Variants in DGKZ observed in about 807,000 individuals in gnomAD.
DGKZ encodes DAG kinase zeta.
A neutral mutation model predicts 142.5 loss-of-function variants in DGKZ; 45 were observed. The observed-to-expected ratio is 0.32, with a 90% CI of 0.25 to 0.40. The LOEUF is 0.40. Ranked by LOEUF, DGKZ falls within the 10% of genes least tolerant of loss-of-function variation. The probability of loss-of-function intolerance (pLI) is 1.00; values close to 1 mark genes in which losing one functional copy is unlikely to be tolerated. For missense variants in DGKZ, 755 were observed against 1,306.5 expected (o/e 0.58, Z 6.51); for synonymous variants, 442 against 527.0 (o/e 0.84, Z 2.21).
chr11:46,359,306 A>G (rs921908715), intron 1 of DGKZ, among the ~76,000 whole-genome samples: 7 of 151,738 alleles, frequency 4.6e-5, no homozygotes, highest in African/African-American at 1.7e-4. Flanking sequence ...TTAGCTGGGC[A>G]TGGTGGCCCA....
At position 46,334,592 on chromosome 11, in the gene DGKZ, A is replaced by G. The variant is rs186521627; in HGVS notation, c.212+1105A>G. On this transcript the variant is annotated intron_variant, in intron 1 of 30. Coordinates refer to the DGKZ transcript ENST00000343674. ...CATCACTTGGGGGAGGAAGGGACAG[A>G]AGGGGAGGGGATTTTCCAAGAAGCA... 2.4e-4 allele frequency among the ~76,000 whole-genome samples: 37 copies of G among 152,268 alleles called. No individual in the cohort carries two copies. In the East Asian group the frequency reaches 6.0e-3, roughly 25 times the overall value.
At chr11:46,352,543 CG>C (rs1941533331) in intron 1 of DGKZ, among the ~76,000 whole-genome samples, 2 of 152,190 alleles carry the variant, frequency 1.3e-5, no homozygotes, top group Admixed American at 1.3e-4. Flanking sequence ...GCCAAGTTCT[CG>C]CAGCTAGCCG....
chr11:46,346,062 C>T (rs1940580736), upstream of DGKZ, among the ~76,000 whole-genome samples: 1 of 152,186 alleles, frequency 6.6e-6, no homozygotes, highest in East Asian at 1.9e-4. Context: ...CAGCTGCTGG[C>T]TGGAGGGCTG....
chr11:46,353,678 G>C (rs966717237), intron 1 of DGKZ, among the ~76,000 whole-genome samples: 17 of 152,146 alleles, frequency 1.1e-4, no homozygotes, highest in African/African-American at 3.6e-4. Context: ...TCTGGGGCAG[G>C]GAAGATCGCT....
chr11:46,365,042 A>C, intron 1 of DGKZ: 2 of 985,396 alleles, frequency 2.0e-6, no homozygotes, highest in Non-Finnish European at 2.4e-6. Flanking sequence ...CCCCACTGTT[A>C]GGAGAGGTAG....
chr11:46,379,149 G>A, intron 28 of DGKZ, 38 bp downstream of exon 28: 3 of 1,611,788 alleles, frequency 1.9e-6, no homozygotes, highest in South Asian at 2.2e-5. Flanking sequence ...TGGGGCCAAG[G>A]TGGGAGGAGG....
At chr11:46,357,802 T>G (rs1407154986) in intron 1 of DGKZ, among the ~76,000 whole-genome samples, 1 of 152,204 alleles carries the variant, frequency 6.6e-6, no homozygotes, top group South Asian at 2.1e-4. Flanking sequence ...GGTGTTCCGT[T>G]GGCTGTGAGC....
Position 46,369,557 on chromosome 11 carries a change from G to T in DGKZ, c.501+7G>T, listed in dbSNP as rs1374942614. 3.1e-5 allele frequency: 50 copies of T among 1,612,298 alleles called. No homozygotes were observed. The highest frequency in any genetic ancestry group is 4.2e-5 in the Non-Finnish European group (49 of 1,179,928). On this transcript the variant is annotated splice_region_variant and intron_variant, in intron 5 of 30. Transcript: ENST00000527911. ...CTCCAGGAATGTCCGCGAGGTAAGT[G>T]CCCAGGGTGGTCAGGGATGGGGCCA...
At chr11:46,366,960 C>T (rs1273688289) in intron 1 of DGKZ, 1 of 1,536,338 alleles carries the variant, frequency 6.5e-7, no homozygotes, top group South Asian at 1.2e-5. Flanking sequence ...GCGGCCGGAC[C>T]CCAGGCCTGG....
At chr11:46,379,413 CA>C (rs1565091653) in intron 29 of DGKZ, 55 bp from the exon 30 acceptor site, 1 of 1,589,110 alleles carries the variant, frequency 6.3e-7, no homozygotes, top group African/African-American at 1.3e-5. Flanking sequence ...CCTTGGGAGA[CA>C]GATGGGTGGA....
At chr11:46,335,239 G>C (rs570677244) in intron 1 of DGKZ, among the ~76,000 whole-genome samples, 13 of 152,010 alleles carry the variant, frequency 8.6e-5, no homozygotes, top group Middle Eastern at 3.4e-3. Flanking sequence ...ACTTGAACCT[G>C]GGAGGCAGAG....
chr11:46,346,391 C>G (rs1237275958), upstream of DGKZ, among the ~76,000 whole-genome samples: 5 of 109,292 alleles, frequency 4.6e-5, no homozygotes, highest in South Asian at 1.4e-3. Context: ...GGCCTCCCTT[C>G]GTCAGCCCTG....
At chr11:46,355,148 G>A (rs760154003) in intron 1 of DGKZ, among the ~76,000 whole-genome samples, 4 of 151,788 alleles carry the variant, frequency 2.6e-5, no homozygotes, top group African/African-American at 7.3e-5. Context: ...TCTCACTCTC[G>A]CCCAGGCTAG....
intron 1 of DGKZ, chr11:46,338,846 G>T (rs895046017): frequency 1.3e-5 from 2 of 152,246 alleles, no homozygotes; most frequent in Admixed American, 1.3e-4. Context: ...TGGCTGGGAA[G>T]ATTCAAGAAG....
upstream of DGKZ, among the ~76,000 whole-genome samples, chr11:46,346,682 G>A (rs1052017342): frequency 1.3e-5 from 2 of 152,200 alleles, no homozygotes; most frequent in African/African-American, 2.4e-5. Context: ...TTGTGAATGG[G>A]AGTGTGGTAC....
intron 1 of DGKZ, among the ~76,000 whole-genome samples, chr11:46,334,446 T>C (rs1939912957): frequency 6.6e-6 from 1 of 152,182 alleles, no homozygotes; most frequent in South Asian, 2.1e-4. Context: ...GTGTTTGGGA[T>C]ATGTCTGAGG....
chr11:46,355,812 T>A (rs1035363889), intron 1 of DGKZ, among the ~76,000 whole-genome samples: 1 of 152,020 alleles, frequency 6.6e-6, no homozygotes, highest in African/African-American at 2.4e-5. Flanking sequence ...AATGGCGCGG[T>A]CTCGGCTCAC....
rs1348009348 is a variant in DGKZ at position 46,373,106 on chromosome 11, G to A, written c.1326+5G>A. ...GATGAAGGCGCCACCGACCGGGTAAGTTGGCCAGGGTTGGTGGGGGGCAGG... is the reference window on the plus strand; with the variant it reads ...GATGAAGGCGCCACCGACCGGGTAAATTGGCCAGGGTTGGTGGGGGGCAGG... On this transcript the variant is annotated splice_donor_5th_base_variant and intron_variant, in intron 14 of 30. Coordinates refer to ENST00000527911, the Ensembl canonical transcript of DGKZ. 1 of 1,541,672 alleles carries A rather than the reference G, an allele frequency of 6.5e-7. No homozygotes were observed. The highest frequency in any genetic ancestry group is 2.1e-5 in the Admixed American group (1 of 48,020).
intron 1 of DGKZ, among the ~76,000 whole-genome samples, chr11:46,361,231 A>G (rs1221535507): frequency 6.6e-6 from 1 of 152,214 alleles, no homozygotes; most frequent in Non-Finnish European, 1.5e-5. Context: ...GTGAGAAGGC[A>G]TTAGGTGGCT....
Sources: allele counts gnomAD v4.1 joint callset (sites outside exome capture counted in the v4.1 genomes callset), GRCh38; gene constraint gnomAD v4.1.1; transcripts MANE v1.5; gene names NCBI Gene and HGNC (gene_info 2026-07-23, HGNC 2026-07-21).